Variants in NDUFAF7 observed in about 807,000 individuals in gnomAD.
The protein encoded by NDUFAF7 is NADH:ubiquinone oxidoreductase complex assembly factor 7.
NDUFAF7 carries 48 observed loss-of-function variants against 47.2 expected under a neutral mutation model. The observed-to-expected ratio is 1.02, with a 90% confidence interval of 0.81 to 1.29. The LOEUF is 1.29. Ranked by LOEUF, NDUFAF7 falls within the 50% of genes most tolerant of loss-of-function variation. The probability of loss-of-function intolerance (pLI) is 0.00; values close to 1 mark genes in which losing one functional copy is unlikely to be tolerated. For synonymous variants in NDUFAF7, 217 were observed against 190.0 expected (o/e 1.14, Z -1.17); for missense variants, 635 against 537.6 (o/e 1.18, Z -1.79).
Position 37,243,870 on chromosome 2 carries a change from C to CT in NDUFAF7, c.689_690insT (p.Gln231ThrfsTer9), listed in dbSNP as rs758341512. 91 of 1,613,722 alleles carry CT rather than the reference C, an allele frequency of 5.6e-5. No homozygotes were observed. Among genetic ancestry groups the CT allele is most frequent in the Non-Finnish European group, 7.3e-5 (86 of 1,179,874 alleles). On this transcript the variant is annotated frameshift_variant, in exon 7 of 10. Coordinates refer to ENST00000002125, the MANE Select transcript of NDUFAF7 (RefSeq NM_144736.5). LOFTEE classifies it high-confidence loss of function. ...GTGTTATTTTGTGTTTAGAAAACACCACAGGGATGGCGAGAAGTATTTGTT... is the reference window on the plus strand; with the variant it reads ...GTGTTATTTTGTGTTTAGAAAACACCTACAGGGATGGCGAGAAGTATTTGTT...
chr2:37,248,131 T>G lies in NDUFAF7; in HGVS notation c.1111-4T>G, dbSNP rs746426967. On this transcript the variant is annotated splice_region_variant and splice_polypyrimidine_tract_variant and intron_variant, in intron 9 of 9. Coordinates refer to ENST00000002125, the MANE Select transcript of NDUFAF7 (RefSeq NM_144736.5). ...ATTTTTGCTAAGAATTTTTTTCTTT[T>G]CAGGTTCTTTTAGATAAATCAAATG... is the stretch of plus-strand genomic sequence containing the variant. 6.2e-7 allele frequency: 1 copy of G among 1,610,884 alleles called. No individual in the cohort carries two copies. Among genetic ancestry groups the G allele is most frequent in the Non-Finnish European group, 8.5e-7 (1 of 1,177,446 alleles).
In NDUFAF7 at chr2:37,248,266, A is replaced by G. The variant is rs1007563391; in HGVS notation, c.1242A>G (p.Gln414=). ...FFALLPHQRL[Q]GGRYQRNARQ... is the part of the protein sequence containing the mutation. Reference sequence around the variant, plus strand: ...CCTTGCTACCTCATCAGAGACTTCAAGGTGGAAGATATCAGAGGAATGCAC... The same window carrying G: ...CCTTGCTACCTCATCAGAGACTTCAGGGTGGAAGATATCAGAGGAATGCAC... Residue 414 remains glutamine, a synonymous_variant, in exon 10 of 10, where the codon CAA becomes CAG. Transcript: ENST00000002125. 2 of 1,614,098 alleles carry G rather than the reference A, an allele frequency of 1.2e-6. No homozygotes were observed. The highest frequency in any genetic ancestry group is 1.1e-5 in the South Asian group (1 of 91,090).
chr2:37,263,088 T>G, the NDUFAF7 span, among the ~76,000 whole-genome samples: 2 of 152,150 alleles, frequency 1.3e-5, no homozygotes, highest in African/African-American at 4.8e-5. Flanking sequence ...TCTTTAGGTT[T>G]ATTTTATTGT....
chr2:37,232,348 C>A (rs964082738), intron 2 of NDUFAF7, 82 bp downstream of exon 2: 14 of 1,569,744 alleles, frequency 8.9e-6, no homozygotes, highest in Non-Finnish European at 1.2e-5. Context: ...CCCGAAGGTT[C>A]TCAGCCCAGG....
At chr2:37,232,410 A>C in intron 2 of NDUFAF7, 144 bp downstream of exon 2, 1 of 1,108,712 alleles carries the variant, frequency 9.0e-7, no homozygotes, top group Non-Finnish European at 1.4e-6. Context: ...CTGGGGACAG[A>C]TAATTTGTCA....
chr2:37,236,560 A>G (rs897645164), intron 3 of NDUFAF7, among the ~76,000 whole-genome samples: 1 of 152,024 alleles, frequency 6.6e-6, no homozygotes, highest in Non-Finnish European at 1.5e-5. Context: ...GCGGATCACA[A>G]GGTCAGGAGA....
At chr2:37,238,552 A>AC (rs1339860420) in intron 4 of NDUFAF7, among the ~76,000 whole-genome samples, 2 of 152,086 alleles carry the variant, frequency 1.3e-5, no homozygotes, top group Non-Finnish European at 2.9e-5. Context: ...AGAGTTCAAG[A>AC]CCAACCTGGC....
At chr2:37,240,894 A>G (rs1211358129) in intron 4 of NDUFAF7, among the ~76,000 whole-genome samples, 9 of 152,222 alleles carry the variant, frequency 5.9e-5, no homozygotes, top group African/African-American at 1.7e-4. Context: ...TGGAAAAATC[A>G]TCTTGTTCAT....
intron 2 of NDUFAF7, among the ~76,000 whole-genome samples, chr2:37,233,946 A>G (rs867539563): frequency 7.9e-5 from 12 of 152,364 alleles, no homozygotes; most frequent in Middle Eastern, 6.8e-3. Flanking sequence ...AGCATCAGCA[A>G]TACCTGTGAC....
chr2:37,260,742 G>A, the NDUFAF7 span, among the ~76,000 whole-genome samples: 1 of 152,090 alleles, frequency 6.6e-6, no homozygotes, highest in South Asian at 2.1e-4. Flanking sequence ...CAATTACACA[G>A]AAACCTTTGA....
chr2:37,247,100 C>T (rs149468661), intron 8 of NDUFAF7, among the ~76,000 whole-genome samples: 107 of 151,626 alleles, frequency 7.1e-4, no homozygotes, highest in Non-Finnish European at 1.1e-3. Context: ...AGTATGTTCA[C>T]GTGTACCCAG....
chr2:37,255,111 A>G (rs1195389518), downstream of NDUFAF7, among the ~76,000 whole-genome samples: 1 of 152,236 alleles, frequency 6.6e-6, no homozygotes, highest in South Asian at 2.1e-4. Flanking sequence ...TGATTCTGAT[A>G]GAAGAGGTCT....
chr2:37,257,884 T>A (rs1416756259), downstream of NDUFAF7, among the ~76,000 whole-genome samples: 2 of 152,100 alleles, frequency 1.3e-5, no homozygotes, highest in Non-Finnish European at 2.9e-5. Context: ...GTGGAACAAA[T>A]TATTTCTAGT....
chr2:37,243,858 T>G lies in NDUFAF7; in HGVS notation c.682-5T>G. 1.2e-6 allele frequency: 2 copies of G among 1,613,206 alleles called. No homozygotes were observed. The highest frequency in any genetic ancestry group is 1.7e-6 in the Non-Finnish European group (2 of 1,179,340). On this transcript the variant is annotated splice_polypyrimidine_tract_variant and splice_region_variant and intron_variant, in intron 6 of 9. Transcript: ENST00000002125. ...ATTTGTTTTTATGTGTTATTTTGTG[T>G]TTAGAAAACACCACAGGGATGGCGA...
intron 4 of NDUFAF7, among the ~76,000 whole-genome samples, chr2:37,238,449 CAA>C (rs1297220665): frequency 6.3e-5 from 8 of 126,626 alleles, no homozygotes; most frequent in Non-Finnish European, 6.8e-5. Context: ...GACTCCGTCT[CAA>C]AAAAAAAAAA....
chr2:37,240,222 T>C (rs1168792614), intron 4 of NDUFAF7, among the ~76,000 whole-genome samples: 1 of 152,182 alleles, frequency 6.6e-6, no homozygotes, highest in East Asian at 1.9e-4. Context: ...CAAGATCAGC[T>C]TGGGCAATAC....
the NDUFAF7 span, chr2:37,260,509 A>T: frequency 1.1e-6 from 1 of 882,974 alleles, no homozygotes; most frequent in Non-Finnish European, 1.7e-6. Flanking sequence ...CAAAGCAAAC[A>T]AAATAAAAAT....
At chr2:37,256,592 T>A (rs955124741), downstream of NDUFAF7, 10 of 1,419,882 alleles carry the variant, frequency 7.0e-6, no homozygotes, top group Non-Finnish European at 1.8e-6. Context: ...TGATTTGGGA[T>A]GAGAAAGATG....
chr2:37,236,776 G>A (rs1269081054), intron 3 of NDUFAF7, among the ~76,000 whole-genome samples: 3 of 141,920 alleles, frequency 2.1e-5, no homozygotes, highest in Non-Finnish European at 4.5e-5. Flanking sequence ...GCAAAACTCC[G>A]TCTCAAAAAA....
Sources: gnomAD v4.1 joint callset for allele counts (sites outside exome capture counted in the v4.1 genomes callset) on GRCh38, gnomAD v4.1.1 for gene constraint, MANE v1.5 for transcripts, NCBI Gene and HGNC (gene_info 2026-07-23, HGNC 2026-07-21) for gene names.